The following ANKMY1 variants were observed in gnomAD, a reference collection of about 807,000 sequenced individuals.
The protein encoded by ANKMY1 is ankyrin repeat and MYND domain-containing protein 1.
ANKMY1 carries 98 observed loss-of-function variants against 102.0 expected under a neutral mutation model. The ratio of observed to expected loss-of-function variants is 0.96; its 90% CI spans 0.82 to 1.14. The LOEUF (loss-of-function observed/expected upper bound fraction) is 1.14. ANKMY1 is among the 50% of genes most tolerant of loss of function. The pLI, the probability that ANKMY1 is intolerant of heterozygous loss-of-function variation, is 0.00. For missense variants in ANKMY1, 1,330 were observed against 1,347.6 expected, an observed-to-expected ratio of 0.99 and a Z score of 0.20; for synonymous variants, 582 against 559.9, an observed-to-expected ratio of 1.04 and a Z score of -0.56.
intron 4 of ANKMY1, among the ~76,000 whole-genome samples, chr2:240,551,188 T>G (rs1014991987): frequency 4.6e-5 from 7 of 152,078 alleles, no homozygotes; most frequent in African/African-American, 1.7e-4. Flanking sequence ...GATTCTTCTT[T>G]TGTCTTTCAG....
In ANKMY1 at chr2:240,525,705, G is replaced by A. The variant is rs144393814; in HGVS notation, c.1315C>T (p.Arg439Trp). The change falls in exon 7 of 18, where the codon CGG becomes TGG. Residue 439 changes from arginine to tryptophan, a missense_variant. Transcript: ENST00000401804. ...AQSFKPNVAE[R>W]TIPEPQEPPK... ...CTTACCTGGGGCTCAGGTATGGTCC[G>A]TTCAGCAACATTGGGCTTGAAGGAC... The A allele has an allele frequency of 1.1e-5, 17 of 1,614,068 alleles. No individual in the cohort carries two copies. Among genetic ancestry groups the A allele is most frequent in the African/African-American group, 2.7e-5 (2 of 75,028 alleles).
At chr2:240,487,515 C>T (rs2076185075) in intron 15 of ANKMY1, among the ~76,000 whole-genome samples, 1 of 152,096 alleles carries the variant, frequency 6.6e-6, no homozygotes. Flanking sequence ...ACTGCTGGAT[C>T]AAATGATAAT....
chr2:240,528,843 G>C (rs2084533781), intron 5 of ANKMY1, among the ~76,000 whole-genome samples, 194 bp downstream of exon 5: 1 of 152,168 alleles, frequency 6.6e-6, no homozygotes, highest in Non-Finnish European at 1.5e-5. Flanking sequence ...GACCCGGCCT[G>C]CCTCCCAGCT....
chr2:240,486,513 T>C (rs1025532787), intron 15 of ANKMY1, among the ~76,000 whole-genome samples: 4 of 152,246 alleles, frequency 2.6e-5, no homozygotes, highest in Non-Finnish European at 5.9e-5. Flanking sequence ...GCTTTCAAAA[T>C]ACCTTTAGTA....
downstream of ANKMY1, among the ~76,000 whole-genome samples, chr2:240,474,844 C>T (rs1473335205): frequency 2.0e-5 from 3 of 152,150 alleles, no homozygotes; most frequent in Non-Finnish European, 2.9e-5. Context: ...TATATTGATT[C>T]CATGTCCTTG....
intron 15 of ANKMY1, among the ~76,000 whole-genome samples, chr2:240,495,782 G>C (rs1224522117): frequency 6.6e-6 from 1 of 152,068 alleles, no homozygotes; most frequent in Non-Finnish European, 1.5e-5. Context: ...CCACACATGG[G>C]GAGAAAAACT....
Position 240,520,385 on chromosome 2 carries a change from TCCTCG to T in ANKMY1, c.1976_1980del (p.Ala659AspfsTer68), listed in dbSNP as rs2081974990. The T allele has an allele frequency of 4.4e-6, 7 of 1,576,904 alleles. No homozygotes were observed. In the Admixed American group the frequency reaches 9.2e-5, roughly 21 times the overall value. On this transcript the variant is annotated frameshift_variant, in exon 9 of 18. Transcript: ENST00000401804. LOFTEE classifies it high-confidence loss of function. The surrounding 1 kb of genome is among the most constrained non-coding windows in gnomAD (Gnocchi z 4.8). Reference sequence around the variant, plus strand: ...ACCTGCGGCGGAAAGCAGATGTCGGTCCTCGCCCCGTGCTCCAGCAGCAGCCTCAC... The same window carrying T: ...ACCTGCGGCGGAAAGCAGATGTCGGTCCCCGTGCTCCAGCAGCAGCCTCAC...
In ANKMY1 at chr2:240,529,436, A is replaced by G; in HGVS notation, c.554T>C (p.Leu185Pro). The G allele has an allele frequency of 6.2e-7, 1 of 1,614,132 alleles. No individual in the cohort carries two copies. The highest frequency in any genetic ancestry group is 2.2e-5 in the East Asian group (1 of 44,876). ...TYPDGSQDVGLWFREQLIKLC... is the reference protein window; with the variant it reads ...TYPDGSQDVGPWFREQLIKLC... Reference sequence around the variant, plus strand: ...CTTGATGAGCTGCTCTCGGAACCACAGCCCCACGTCCTGGCTGCCATCGGG... The same window carrying G: ...CTTGATGAGCTGCTCTCGGAACCACGGCCCCACGTCCTGGCTGCCATCGGG... The change falls in exon 5 of 18, where the codon CTG becomes CCG. Residue 185 changes from leucine (L) to proline (P), a missense_variant. Coordinates refer to ENST00000401804, the MANE Select transcript of ANKMY1 (RefSeq NM_001282771.3). The surrounding 1 kb of genome is among the most constrained non-coding windows in gnomAD (Gnocchi z 4.2).
Position 240,548,043 on chromosome 2 carries a change from G to A in ANKMY1, c.480+4871C>T, listed in dbSNP as rs377017039. Among the ~76,000 whole-genome samples, 760 of 152,168 alleles carry A rather than the reference G, an allele frequency of 5.0e-3. 26 individuals are homozygous for A. In the East Asian group the frequency reaches 0.12, roughly 23 times the overall value. On this transcript the variant is annotated intron_variant, in intron 4 of 17. Coordinates refer to ENST00000401804, the MANE Select transcript of ANKMY1 (RefSeq NM_001282771.3). The stretch of plus-strand genomic sequence containing the variant: ...CCAGCATCATCCTGATACCAAAGCC[G>A]GGCAGAGACACAACCAAAAAAGAGA...
chr2:240,469,868 A>G, the ANKMY1 span, among the ~76,000 whole-genome samples: 3 of 152,084 alleles, frequency 2.0e-5, no homozygotes, highest in African/African-American at 7.2e-5. Context: ...ATACACACAC[A>G]AGCACACATA....
chr2:240,485,183 C>T (rs1232476682), intron 15 of ANKMY1, among the ~76,000 whole-genome samples: 1 of 152,030 alleles, frequency 6.6e-6, no homozygotes, highest in East Asian at 1.9e-4. Context: ...AAAAAATTAG[C>T]CAGGTGTGGT....
rs777963549 is a variant in ANKMY1 at position 240,554,891 on chromosome 2, C to T, written c.311G>A (p.Gly104Asp). The T allele has an allele frequency of 1.2e-6, 2 of 1,614,110 alleles. No individual in the cohort carries two copies. Among genetic ancestry groups the T allele is most frequent in the Non-Finnish European group, 8.5e-7 (1 of 1,179,990 alleles). The stretch of plus-strand genomic sequence containing the variant: ...CTCGCCTGTGGGCCAAGAGAATTTG[C>T]CATATCCAAGCTTCATGTTCAACCC... ...EFGLNMKLGY[G>D]KFSWPTGESY... Residue 104 changes from glycine (G) to aspartate (D), a missense_variant, in exon 3 of 18, where the codon GGC becomes GAC. Physicochemically the swap from Gly to Asp is moderately conservative, Grantham distance 94 (BLOSUM62 -1). Transcript: ENST00000401804.
chr2:240,488,843 T>C (rs2076333367), intron 15 of ANKMY1, among the ~76,000 whole-genome samples: 1 of 152,258 alleles, frequency 6.6e-6, no homozygotes, highest in South Asian at 2.1e-4. Flanking sequence ...ACTGAATTCA[T>C]TTATCAAATC....
chr2:240,558,128 G>T, upstream of ANKMY1: 2 of 309,514 alleles, frequency 6.5e-6, no homozygotes, highest in Non-Finnish European at 4.7e-6. Context: ...GCTTGGGGCC[G>T]ACACCCCGCG....
At chr2:240,489,396 G>A (rs192888215) in intron 15 of ANKMY1, among the ~76,000 whole-genome samples, 1 of 151,946 alleles carries the variant, frequency 6.6e-6, no homozygotes, top group Admixed American at 6.6e-5. Context: ...GGCAGAGGTT[G>A]TAGTGAGCTG....
At chr2:240,513,940 T>C (rs897635274) in intron 9 of ANKMY1, among the ~76,000 whole-genome samples, 151 of 152,328 alleles carry the variant, frequency 9.9e-4, no homozygotes, top group African/African-American at 3.5e-3. Flanking sequence ...AACAATCTAC[T>C]GACCCCAGAG....
At chr2:240,524,660 G>T (rs1199238857) in intron 7 of ANKMY1, among the ~76,000 whole-genome samples, 1 of 152,242 alleles carries the variant, frequency 6.6e-6, no homozygotes, top group Non-Finnish European at 1.5e-5. Context: ...GCACCCAGGT[G>T]CTTAGAAGTG....
At chr2:240,518,076 G>A (rs1370643365) in intron 9 of ANKMY1, among the ~76,000 whole-genome samples, 9 of 152,178 alleles carry the variant, frequency 5.9e-5, no homozygotes. Flanking sequence ...GATTCCTCAT[G>A]ATTGAGGAAT....
At chr2:240,517,152 A>G (rs1236343938) in intron 9 of ANKMY1, among the ~76,000 whole-genome samples, 1 of 152,246 alleles carries the variant, frequency 6.6e-6, no homozygotes, top group Non-Finnish European at 1.5e-5. Context: ...CAAAGTTGGA[A>G]GAACTGGTTA....
Sources: allele counts gnomAD v4.1 joint callset (sites outside exome capture counted in the v4.1 genomes callset), GRCh38; gene constraint gnomAD v4.1.1; non-coding constraint Gnocchi (gnomAD v3.1); transcripts MANE v1.5; gene names NCBI Gene and HGNC (gene_info 2026-07-23, HGNC 2026-07-21).